PHAF1: variants seen among roughly 807,000 people sequenced by gnomAD.
PHAF1 encodes phagosome assembly factor 1.
In PHAF1, 23 loss-of-function variants were observed where a neutral mutation model predicts 63.1. The observed-to-expected ratio is 0.36, with a 90% CI of 0.26 to 0.52. PHAF1 has a LOEUF of 0.52. Ranked by LOEUF, PHAF1 falls within the 20% of genes least tolerant of loss-of-function variation. PHAF1 has a pLI of 0.93. For missense variants in PHAF1, 427 were observed against 517.2 expected (o/e 0.83, Z 1.69); for synonymous variants, 167 against 185.0 (o/e 0.90, Z 0.79).
chr16:67,110,111 C>T lies in PHAF1; in HGVS notation c.-65C>T. On this transcript the variant is annotated 5_prime_UTR_variant, in exon 1 of 16. Coordinates refer to ENST00000219139, the MANE Select transcript of PHAF1 (RefSeq NM_025187.5). ...GGCGGCCTGTCAGCCGCTGCTTTGT[C>T]TCCTTAGCTCGGGTCCCTTCTGCGC... 2 of 1,517,250 alleles carry T rather than the reference C, an allele frequency of 1.3e-6. No individual in the cohort carries two copies. Among genetic ancestry groups the T allele is most frequent in the East Asian group, 2.5e-5 (1 of 40,544 alleles). The allele number at this position is 1,517,250 out of a possible 1,614,324, so 94.0% of individuals were successfully genotyped here. A position where few individuals can be genotyped will look rare whatever the true frequency, so the allele number is the denominator to read the frequency against.
At chr16:67,120,496 G>A (rs1317855017) in intron 2 of PHAF1, among the ~76,000 whole-genome samples, 2 of 151,628 alleles carry the variant, frequency 1.3e-5, no homozygotes, top group Non-Finnish European at 2.9e-5. Flanking sequence ...GCTGTCTCTG[G>A]TCTTTTAGAG....
intron 1 of PHAF1, among the ~76,000 whole-genome samples, chr16:67,119,880 C>T (rs899484778): frequency 6.6e-6 from 1 of 152,152 alleles, no homozygotes; most frequent in Non-Finnish European, 1.5e-5. Context: ...AGAGTCCTTG[C>T]ATTCAAAGAG....
chr16:67,143,817 G>A (rs1963892995), intron 10 of PHAF1, among the ~76,000 whole-genome samples: 1 of 152,042 alleles, frequency 6.6e-6, no homozygotes, highest in African/African-American at 2.4e-5. Context: ...GGCCAGGCAC[G>A]GTGGCTCACA....
chr16:67,130,173 AG>A (rs1365529583), intron 3 of PHAF1, among the ~76,000 whole-genome samples: 1 of 151,508 alleles, frequency 6.6e-6, no homozygotes, highest in Non-Finnish European at 1.5e-5. Context: ...CAGCCTCCTC[AG>A]TAGCTGGGAC....
At chr16:67,145,464 GAC>G (rs2029970170) in intron 13 of PHAF1, 45 bp downstream of exon 13, 3 of 1,613,580 alleles carry the variant, frequency 1.9e-6, no homozygotes, top group Non-Finnish European at 2.5e-6. Flanking sequence ...GAATGAGGTG[GAC>G]ATGAGCCTGC....
chr16:67,120,299 G>T (rs932305356), intron 2 of PHAF1, 105 bp downstream of exon 2: 2 of 1,002,258 alleles, frequency 2.0e-6, no homozygotes, highest in Admixed American at 2.3e-5. Context: ...AGCTGTGTTC[G>T]AATGGGAGAA....
intron 3 of PHAF1, among the ~76,000 whole-genome samples, chr16:67,128,801 G>A (rs933351926): frequency 6.6e-6 from 1 of 152,226 alleles, no homozygotes; most frequent in African/African-American, 2.4e-5. Context: ...TGGGTCCATT[G>A]CCACAAGTGC....
intron 1 of PHAF1, among the ~76,000 whole-genome samples, 178 bp from the exon 2 acceptor site, chr16:67,119,934 G>C (rs1962906685): frequency 6.6e-6 from 1 of 152,120 alleles, no homozygotes; most frequent in South Asian, 2.1e-4. Flanking sequence ...AGTGCTTGCT[G>C]CTTAACATTA....
intron 8 of PHAF1, among the ~76,000 whole-genome samples, chr16:67,138,493 C>T (rs1963687564): frequency 6.6e-6 from 1 of 151,252 alleles, no homozygotes; most frequent in African/African-American, 2.4e-5. Context: ...AATTACAATC[C>T]TTCTCAGATT....
chr16:67,113,583 G>GGGGC (rs1962613087), intron 1 of PHAF1, among the ~76,000 whole-genome samples: 3 of 149,362 alleles, frequency 2.0e-5, no homozygotes, highest in Admixed American at 6.7e-5. Flanking sequence ...CCAAGTAGCT[G>GGGGC]GGACTACAGG....
At position 67,147,039 on chromosome 16, in the gene PHAF1, CA is replaced by C; in HGVS notation, c.1183-5del. On this transcript the variant is annotated splice_polypyrimidine_tract_variant and splice_region_variant and intron_variant, in intron 15 of 15. Coordinates refer to ENST00000219139, the MANE Select transcript of PHAF1 (RefSeq NM_025187.5). ...CCCTTGACCCACTGTCCTCTTCTCACACCAGGTCATGCAGAACAACCACATT... is the reference window on the plus strand; with the variant it reads ...CCCTTGACCCACTGTCCTCTTCTCACCCAGGTCATGCAGAACAACCACATT... 1.2e-6 allele frequency: 2 copies of C among 1,612,756 alleles called. No individual in the cohort carries two copies. The highest frequency in any genetic ancestry group is 2.2e-5 in the East Asian group (1 of 44,874).
At chr16:67,127,412 A>T (rs1042879711) in intron 3 of PHAF1, among the ~76,000 whole-genome samples, 3 of 152,236 alleles carry the variant, frequency 2.0e-5, no homozygotes, top group Admixed American at 6.5e-5. Context: ...GAGAATCAGT[A>T]TGTGGAATTA....
At chr16:67,134,077 G>A in intron 6 of PHAF1, 91 bp from the exon 7 acceptor site, 2 of 1,121,738 alleles carry the variant, frequency 1.8e-6, no homozygotes, top group Non-Finnish European at 2.7e-6. Flanking sequence ...GACCTGAGCA[G>A]CTCTTGAAGA....
Position 67,125,889 on chromosome 16 carries a change from TG to T in PHAF1, c.148-69del, listed in dbSNP as rs573518061. 8 of 1,107,490 alleles carry T rather than the reference TG, an allele frequency of 7.2e-6. No individual in the cohort carries two copies. The South Asian group carries it at 8.8e-5, about 12-fold the overall frequency. The allele number at this position is 1,107,490 out of a possible 1,614,324, so 68.6% of individuals were successfully genotyped here. On this transcript the variant is annotated intron_variant, in intron 2 of 15. Transcript: ENST00000219139. ...TATTCCTTGTGTGTTGCATTTGTAT[TG>T]TAAGGCTTTCAGTAGGTGCTTAGTG...
At chr16:67,137,045 C>T (rs1963635139) in intron 8 of PHAF1, among the ~76,000 whole-genome samples, 1 of 151,996 alleles carries the variant, frequency 6.6e-6, no homozygotes, top group Non-Finnish European at 1.5e-5. Flanking sequence ...GTTCCAGCTA[C>T]TCGGGAGGCT....
intron 8 of PHAF1, among the ~76,000 whole-genome samples, chr16:67,137,777 G>A (rs970836440): frequency 2.0e-5 from 3 of 152,148 alleles, no homozygotes; most frequent in African/African-American, 7.2e-5. Context: ...TCGAGGGTGG[G>A]CTCTCAGCCA....
In PHAF1 at chr16:67,148,216, A is replaced by G. The variant is rs992012721; in HGVS notation, c.*1085A>G. ...TTTTTGTAAATATGACTCTTTTGTAATTAACTCATGTACAGCCTCATCCTG... is the reference window on the plus strand; with the variant it reads ...TTTTTGTAAATATGACTCTTTTGTAGTTAACTCATGTACAGCCTCATCCTG... On this transcript the variant is annotated 3_prime_UTR_variant, in exon 16 of 16. Transcript: ENST00000219139. 6.6e-6 allele frequency: 1 copy of G among 152,604 alleles called. No homozygotes were observed. The highest frequency in any genetic ancestry group is 1.5e-5 in the Non-Finnish European group (1 of 68,048). 9.5% of individuals were successfully genotyped at this position (152,604 alleles called of 1,614,324 possible).
In PHAF1 at chr16:67,145,361, GTCTTC is replaced by G; in HGVS notation, c.1007-10_1007-6del. 8 of 1,614,002 alleles carry G rather than the reference GTCTTC, an allele frequency of 5.0e-6. No individual in the cohort carries two copies. Among genetic ancestry groups the G allele is most frequent in the Non-Finnish European group, 6.8e-6 (8 of 1,179,978 alleles). On this transcript the variant is annotated splice_polypyrimidine_tract_variant and intron_variant, in intron 12 of 15. Transcript: ENST00000219139. ...GGGCCAGCTACAAATCTGCCCCACTGTCTTCTCTTTTCAGAAAACGCAGATGGTCA... is the reference window on the plus strand; with the variant it reads ...GGGCCAGCTACAAATCTGCCCCACTGTCTTTTCAGAAAACGCAGATGGTCA...
chr16:67,126,259 G>A (rs1963184356), intron 3 of PHAF1, among the ~76,000 whole-genome samples: 1 of 152,144 alleles, frequency 6.6e-6, no homozygotes, highest in Non-Finnish European at 1.5e-5. Context: ...AGGCTGGGAA[G>A]GGCTGCTTTC....
Sources: allele counts gnomAD v4.1 joint callset (sites outside exome capture counted in the v4.1 genomes callset), GRCh38; gene constraint gnomAD v4.1.1; transcripts MANE v1.5; gene names NCBI Gene and HGNC (gene_info 2026-07-23, HGNC 2026-07-21).